ROBO1: variants seen among roughly 807,000 people sequenced by gnomAD.
ROBO1 encodes roundabout homolog 1.
In ROBO1, 149 loss-of-function variants were observed where a neutral mutation model predicts 195.9. That is an observed-to-expected ratio of 0.76 (90% confidence interval 0.67 to 0.87). The LOEUF (loss-of-function observed/expected upper bound fraction) is 0.87. Ranked by LOEUF, ROBO1 falls within the 40% of genes least tolerant of loss-of-function variation. ROBO1 has a pLI of 0.00. For missense variants in ROBO1, 1,933 were observed against 2,068.3 expected (o/e 0.93, Z 1.27); for synonymous variants, 816 against 733.2 (o/e 1.11, Z -1.82).
At chr3:79,094,588 T>C (rs6764276) in intron 3 of ROBO1, among the ~76,000 whole-genome samples, 145,902 of 152,266 alleles carry the variant, frequency 0.96, 70,226 homozygotes, top group East Asian at 1. Context: ...ATTACTTAAA[T>C]GCTCAAGGAT....
chr3:79,088,961 A>C (rs2079426307), intron 3 of ROBO1, among the ~76,000 whole-genome samples: 1 of 152,156 alleles, frequency 6.6e-6, no homozygotes, highest in African/African-American at 2.4e-5. Flanking sequence ...TTAAATGTAC[A>C]GTTGGATACA....
chr3:79,465,316 T>TCAACTC (rs760850043), intron 2 of ROBO1, among the ~76,000 whole-genome samples: 34 of 152,106 alleles, frequency 2.2e-4, no homozygotes, highest in Non-Finnish European at 4.0e-4. Context: ...AACTCAGAAC[T>TCAACTC]ATCGCAAAAA....
At chr3:79,591,146 C>T (rs190703187) in intron 1 of ROBO1, among the ~76,000 whole-genome samples, 53 of 151,846 alleles carry the variant, frequency 3.5e-4, no homozygotes, top group African/African-American at 1.1e-3. Context: ...TTTTACTATT[C>T]AGTCAAAAAT....
At chr3:78,878,656 CA>C (rs1253392659) in intron 4 of ROBO1, among the ~76,000 whole-genome samples, 4 of 149,212 alleles carry the variant, frequency 2.7e-5, no homozygotes, top group Admixed American at 2.7e-4. Context: ...AATAACCAGC[CA>C]AAATAAAATA....
intron 4 of ROBO1, among the ~76,000 whole-genome samples, chr3:78,912,670 G>A (rs1210256872): frequency 1.3e-5 from 2 of 152,050 alleles, no homozygotes; most frequent in Non-Finnish European, 2.9e-5. Context: ...TAGCTAAATA[G>A]TGAAGCATCC....
intron 3 of ROBO1, among the ~76,000 whole-genome samples, chr3:79,065,231 G>C (rs1165870465): frequency 6.6e-6 from 1 of 151,976 alleles, no homozygotes; most frequent in East Asian, 1.9e-4. Context: ...AGAGGCAACT[G>C]TGTGTGGGTA....
intron 10 of ROBO1, among the ~76,000 whole-genome samples, chr3:78,672,033 A>G (rs566368497): frequency 2.0e-5 from 3 of 152,186 alleles, no homozygotes; most frequent in African/African-American, 7.2e-5. Context: ...AGCATCTGCC[A>G]TATGTCTTTG....
In ROBO1 at chr3:79,757,487, TTC is replaced by T. The variant is rs368104447; in HGVS notation, c.-51+10263_-51+10264del. Among the ~76,000 whole-genome samples the T allele has an allele frequency of 1.2e-3, 168 of 145,414 alleles. 8 individuals carry two copies. Among genetic ancestry groups the T allele is most frequent in the African/African-American group, 3.5e-3 (130 of 37,108 alleles). On this transcript the variant is annotated intron_variant, in intron 1 of 30. Coordinates refer to ENST00000464233, the MANE Select transcript of ROBO1 (RefSeq NM_002941.4). ...CAATACTTGCTCTCTCTTTCTTTCTTTCTCTCTCTCTCTCTCTCTCTCCATAT... is the reference window on the plus strand; with the variant it reads ...CAATACTTGCTCTCTCTTTCTTTCTTTCTCTCTCTCTCTCTCTCTCCATAT...
chr3:79,692,024 A>G (rs1013903716), intron 1 of ROBO1, among the ~76,000 whole-genome samples: 5 of 151,846 alleles, frequency 3.3e-5, no homozygotes, highest in African/African-American at 1.2e-4. Flanking sequence ...TACAAGGTAT[A>G]TTTTTTAAAG....
chr3:78,846,413 A>G (rs1048279061), intron 4 of ROBO1, among the ~76,000 whole-genome samples: 6 of 152,072 alleles, frequency 3.9e-5, no homozygotes, highest in African/African-American at 1.4e-4. Flanking sequence ...CCCAAACCCC[A>G]AGTAAACCAA....
intron 1 of ROBO1, among the ~76,000 whole-genome samples, chr3:79,703,695 T>C (rs1487087635): frequency 6.6e-6 from 1 of 151,984 alleles, no homozygotes; most frequent in African/African-American, 2.4e-5. Context: ...CTATGTATTC[T>C]TTGATAAATG....
intron 10 of ROBO1, among the ~76,000 whole-genome samples, chr3:78,671,146 T>G (rs1007953070): frequency 4.6e-5 from 7 of 152,274 alleles, no homozygotes; most frequent in African/African-American, 1.7e-4. Flanking sequence ...ACCCTATGAT[T>G]ACATGAAAAA....
rs142672968 is a variant in ROBO1, at chr3:79,251,094, G to A, written c.89-125555C>T. Reference sequence around the variant, plus strand: ...ACAAAAAAGGAAATCAGTAAGATTTGTTCATATCAATATGAATGTCTGTTT... The same window carrying A: ...ACAAAAAAGGAAATCAGTAAGATTTATTCATATCAATATGAATGTCTGTTT... On this transcript the variant is annotated intron_variant, in intron 2 of 30. Transcript: ENST00000464233. Among the ~76,000 whole-genome samples, 868 of 152,218 alleles carry A rather than the reference G, an allele frequency of 5.7e-3. 3 individuals are homozygous for A. The highest frequency in any genetic ancestry group is 0.017 in the Middle Eastern group (5 of 294).
intron 22 of ROBO1, among the ~76,000 whole-genome samples, chr3:78,639,141 T>G (rs1251300890): frequency 6.6e-6 from 1 of 151,310 alleles, no homozygotes; most frequent in Non-Finnish European, 1.5e-5. Context: ...GTGAGACTCT[T>G]GTCAAAAAAA....
intron 2 of ROBO1, among the ~76,000 whole-genome samples, chr3:79,165,579 C>T (rs1041620922): frequency 3.3e-5 from 5 of 152,162 alleles, no homozygotes; most frequent in African/African-American, 1.2e-4. Context: ...GCAATGGGTT[C>T]CCTAAGGATT....
intron 5 of ROBO1, among the ~76,000 whole-genome samples, chr3:78,741,691 G>A (rs1234439007): frequency 2.0e-5 from 3 of 151,966 alleles, no homozygotes; most frequent in Non-Finnish European, 4.4e-5. Context: ...TTAGTCCTCC[G>A]ATTCATCTGT....
intron 1 of ROBO1, among the ~76,000 whole-genome samples, chr3:79,701,232 T>C (rs1197736425): frequency 6.6e-6 from 1 of 151,846 alleles, no homozygotes; most frequent in Non-Finnish European, 1.5e-5. Flanking sequence ...TGTGGCCTTA[T>C]AGTGTAGTCT....
At chr3:78,778,461 T>A (rs899767356) in intron 4 of ROBO1, among the ~76,000 whole-genome samples, 1 of 152,106 alleles carries the variant, frequency 6.6e-6, no homozygotes. Flanking sequence ...TCACAAGCAT[T>A]CCTATACACC....
At chr3:78,778,600 A>G (rs1279661489) in intron 4 of ROBO1, among the ~76,000 whole-genome samples, 2 of 152,182 alleles carry the variant, frequency 1.3e-5, no homozygotes, top group African/African-American at 4.8e-5. Context: ...ACTACAAACT[A>G]CTGCTCAAGG....
Sources: allele counts gnomAD v4.1 joint callset (sites outside exome capture counted in the v4.1 genomes callset), GRCh38; gene constraint gnomAD v4.1.1; transcripts MANE v1.5; gene names NCBI Gene and HGNC (gene_info 2026-07-23, HGNC 2026-07-21).